UROC1: variants seen among roughly 807,000 people sequenced by gnomAD.
The protein encoded by UROC1 is urocanate hydratase.
In UROC1, 79 loss-of-function variants were observed where a neutral mutation model predicts 89.5. That is an observed-to-expected ratio of 0.88 (90% confidence interval 0.74 to 1.06). The LOEUF (loss-of-function observed/expected upper bound fraction) is 1.06. Among genes scored for constraint, UROC1 ranks in the 50% least tolerant of loss-of-function variants. The pLI is 0.00. For synonymous variants in UROC1, 361 were observed against 354.8 expected (o/e 1.02, Z -0.20); for missense variants, 885 against 907.8 (o/e 0.97, Z 0.32).
At chr3:126,515,657 C>T (rs1268357271) in intron 1 of UROC1, among the ~76,000 whole-genome samples, 1 of 39,950 alleles carries the variant, frequency 2.5e-5, no homozygotes, top group Non-Finnish European at 4.8e-5. Flanking sequence ...ACCTACCCTC[C>T]CCCTAACCCC....
Position 126,505,800 on chromosome 3 carries a change from G to A in UROC1, c.714C>T (p.Asp238=). 1.2e-6 allele frequency: 2 copies of A among 1,613,938 alleles called. No homozygotes were observed. The highest frequency in any genetic ancestry group is 8.5e-7 in the Non-Finnish European group (1 of 1,180,034). The change falls in exon 8 of 20, where the codon GAC becomes GAT. Residue 238 remains aspartate (D), a synonymous_variant. Transcript: ENST00000290868. ...NAARRYLGIE[D]LAGKVFVTSG... Reference sequence around the variant, plus strand: ...AGGTGACAAAGACCTTCCCAGCCAAGTCCTCGATGCCCAGGTACCGACGTG... The same window carrying A: ...AGGTGACAAAGACCTTCCCAGCCAAATCCTCGATGCCCAGGTACCGACGTG...
In UROC1 at chr3:126,488,233, G is replaced by A. The variant is rs1199702104; in HGVS notation, c.1755C>T (p.Thr585=). Residue 585 remains threonine, a synonymous_variant, in exon 18 of 20, where the codon ACC becomes ACT. Coordinates refer to ENST00000290868, the MANE Select transcript of UROC1 (RefSeq NM_144639.3). Reference sequence around the variant, plus strand: ...CCCCTCCGTTGTGAAGGGCGACCCAGGTGGCTCCGCGACAGGCATCTCCCA... The same window carrying A: ...CCCCTCCGTTGTGAAGGGCGACCCAAGTGGCTCCGCGACAGGCATCTCCCA... ...NFVGDACRGA[T]WVALHNGGGV... is the part of the protein sequence containing the mutation. 2 of 1,614,250 alleles carry A rather than the reference G, an allele frequency of 1.2e-6. No homozygotes were observed. The highest frequency in any genetic ancestry group is 1.7e-6 in the Non-Finnish European group (2 of 1,180,044).
chr3:126,508,484 G>A lies in UROC1; in HGVS notation c.352-9C>T. On this transcript the variant is annotated splice_polypyrimidine_tract_variant and intron_variant, in intron 3 of 19. Transcript: ENST00000290868. ...ACCAGCTCCTGGGGAAACTGAGGAA[G>A]ACACGGGGTCATCTGAGATGAGGGC... The A allele has an allele frequency of 6.2e-7, 1 of 1,612,768 alleles. No homozygotes were observed. The highest frequency in any genetic ancestry group is 2.2e-5 in the East Asian group (1 of 44,852).
rs1347278040 is a variant in UROC1 at position 126,489,263 on chromosome 3, T to A, written c.1708+13A>T. 2 of 1,604,096 alleles carry A rather than the reference T, an allele frequency of 1.2e-6. No homozygotes were observed. Among genetic ancestry groups the A allele is most frequent in the South Asian group, 1.1e-5 (1 of 90,904 alleles). On this transcript the variant is annotated intron_variant, in intron 17 of 19. Transcript: ENST00000290868. ...TCTAAGATGAAAGTTTAAGACATTC[T>A]CATCTTCCTCACCTGCACAGAAGGC...
In UROC1 at chr3:126,487,453, C is replaced by A. The variant is rs1430471955; in HGVS notation, c.1790+745G>T. On this transcript the variant is annotated intron_variant, in intron 18 of 19. Transcript: ENST00000290868. ...GACTGCCGCAGTGCGGAACTGCAGC[C>A]TCCAAGGACACGAGGCCAAGCCAGC... 3.9e-5 allele frequency among the ~76,000 whole-genome samples: 6 copies of A among 152,360 alleles called. 1 individual carries two copies. The South Asian group carries it at 6.2e-4, about 16-fold the overall frequency.
At position 126,497,911 on chromosome 3, in the gene UROC1, C is replaced by T; in HGVS notation, c.1438+140G>A. ...TCCCTTTGTGTTGCCAGCTGAGCAC[C>T]CACCAGACTCACAAAGTCATCTGCG... On this transcript the variant is annotated intron_variant, in intron 14 of 19. Transcript: ENST00000290868. 3 of 1,444,716 alleles carry T rather than the reference C, an allele frequency of 2.1e-6. No homozygotes were observed. In the East Asian group the frequency reaches 6.8e-5, roughly 33 times the overall value. The allele number at this position is 1,444,716 out of a possible 1,614,324, so 89.5% of individuals were successfully genotyped here.
At chr3:126,509,962 G>T (rs1410521162) in intron 2 of UROC1, among the ~76,000 whole-genome samples, 1 of 152,220 alleles carries the variant, frequency 6.6e-6, no homozygotes, top group East Asian at 1.9e-4. Context: ...TCTCCGTCTG[G>T]GTAAGCAGAG....
chr3:126,488,426 C>T (rs1576711090), intron 17 of UROC1, 147 bp from the exon 18 acceptor site: 2 of 824,290 alleles, frequency 2.4e-6, no homozygotes, highest in East Asian at 2.6e-5. Context: ...CCTCTCACAG[C>T]AGCAGTCGTG....
chr3:126,491,491 G>C (rs1935650595), intron 16 of UROC1, among the ~76,000 whole-genome samples: 1 of 152,250 alleles, frequency 6.6e-6, no homozygotes, highest in African/African-American at 2.4e-5. Context: ...GGGAACACCT[G>C]GGCTTCCAGG....
Position 126,508,418 on chromosome 3 carries a change from G to C in UROC1, c.409C>G (p.Gln137Glu). 1 of 1,613,892 alleles carries C rather than the reference G, an allele frequency of 6.2e-7. No homozygotes were observed. The highest frequency in any genetic ancestry group is 8.5e-7 in the Non-Finnish European group (1 of 1,179,898). The change falls in exon 4 of 20, where the codon CAG becomes GAG. Residue 137 changes from glutamine (Q) to glutamate (E), a missense_variant and splice_region_variant. Transcript: ENST00000290868. Reference sequence around the variant, plus strand: ...CGAGGCCACACGGTGTGCAGTACCTGAGCCCAGTTGCTGAACACCTGCCCA... The same window carrying C: ...CGAGGCCACACGGTGTGCAGTACCTCAGCCCAGTTGCTGAACACCTGCCCA... ...GNGQVFSNWA[Q>E]FWLTMFYLSK...
At chr3:126,509,715 C>T (rs1394558526) in intron 2 of UROC1, 37 bp from the exon 3 acceptor site, 4 of 1,537,280 alleles carry the variant, frequency 2.6e-6, no homozygotes, top group East Asian at 2.4e-5. Flanking sequence ...CTGCCCTTCC[C>T]GCCAAAGCAC....
intron 16 of UROC1, among the ~76,000 whole-genome samples, chr3:126,490,773 C>T (rs1935632244): frequency 6.6e-6 from 1 of 152,096 alleles, no homozygotes; most frequent in Non-Finnish European, 1.5e-5. Flanking sequence ...GTAGGGGGAG[C>T]CGTCGGACAC....
chr3:126,508,582 G>C (rs1248265524), intron 3 of UROC1, 107 bp from the exon 4 acceptor site: 8 of 874,784 alleles, frequency 9.1e-6, no homozygotes, highest in Non-Finnish European at 1.5e-5. Flanking sequence ...ATGGGACAAG[G>C]AGAGAAGCCA....
chr3:126,506,605 C>T (rs1936066235), intron 6 of UROC1, among the ~76,000 whole-genome samples: 1 of 152,180 alleles, frequency 6.6e-6, no homozygotes, highest in Non-Finnish European at 1.5e-5. Flanking sequence ...TCCTAGCTCT[C>T]TTGTGAAGGT....
intron 7 of UROC1, 38 bp downstream of exon 7, chr3:126,505,907 C>A: frequency 6.2e-7 from 1 of 1,610,994 alleles, no homozygotes. Flanking sequence ...ACCCCCCATG[C>A]TGGGAAGCCC....
intron 1 of UROC1, 65 bp downstream of exon 1, chr3:126,517,529 T>C (rs1016294957): frequency 3.7e-6 from 6 of 1,610,474 alleles, no homozygotes; most frequent in Non-Finnish European, 5.1e-6. Flanking sequence ...GCCTGGGTGC[T>C]CACTATGGAC....
intron 17 of UROC1, among the ~76,000 whole-genome samples, chr3:126,488,697 G>A (rs1935573435): frequency 6.6e-6 from 1 of 152,222 alleles, no homozygotes; most frequent in African/African-American, 2.4e-5. Flanking sequence ...GAGGTCCCAG[G>A]ACAACCATCC....
At chr3:126,511,511 G>A (rs114754073) in intron 1 of UROC1, among the ~76,000 whole-genome samples, 3,330 of 152,324 alleles carry the variant, frequency 0.022, 39 homozygotes, top group African/African-American at 0.026. Context: ...GGGGCTTGAC[G>A]GGACATTTTA....
chr3:126,510,275 C>T (rs16837538), intron 2 of UROC1, among the ~76,000 whole-genome samples: 5,701 of 152,296 alleles, frequency 0.037, 110 homozygotes, highest in African/African-American at 0.051. Flanking sequence ...AGACCCTTAT[C>T]GAGATCGTGA....
Sources: gnomAD v4.1 joint callset for allele counts (sites outside exome capture counted in the v4.1 genomes callset) on GRCh38, gnomAD v4.1.1 for gene constraint, MANE v1.5 for transcripts, NCBI Gene and HGNC (gene_info 2026-07-23, HGNC 2026-07-21) for gene names.